The following CYB5RL variants were observed in gnomAD, a reference collection of about 807,000 sequenced individuals.
The protein encoded by CYB5RL is cytochrome b5 reductase like.
Under a neutral mutation model 37.5 loss-of-function variants are expected in CYB5RL, and 38 were observed. That is an observed-to-expected ratio of 1.01 (90% CI 0.78 to 1.33). CYB5RL has a LOEUF of 1.33. CYB5RL is among the 40% of genes most tolerant of loss of function. The probability of loss-of-function intolerance (pLI) is 0.00; values close to 1 mark genes in which losing one functional copy is unlikely to be tolerated. For missense variants in CYB5RL, 388 were observed against 394.4 expected (o/e 0.98, Z 0.14); for synonymous variants, 141 against 151.9 (o/e 0.93, Z 0.53).
chr1:54,177,068 C>A (rs1021174065), intron 7 of CYB5RL, among the ~76,000 whole-genome samples: 7 of 152,096 alleles, frequency 4.6e-5, no homozygotes, highest in African/African-American at 1.7e-4. Flanking sequence ...GGAGGGCGGG[C>A]TAGGAGATGA....
intron 4 of CYB5RL, among the ~76,000 whole-genome samples, chr1:54,188,371 A>G (rs1385533239): frequency 2.0e-5 from 3 of 152,182 alleles, no homozygotes; most frequent in Non-Finnish European, 2.9e-5. Flanking sequence ...CATGACTGTC[A>G]TTTTTCCTGA....
intron 3 of CYB5RL, among the ~76,000 whole-genome samples, chr1:54,193,192 A>G (rs1315149655): frequency 6.6e-6 from 1 of 152,240 alleles, no homozygotes; most frequent in Non-Finnish European, 1.5e-5. Flanking sequence ...AAACACATTC[A>G]TTCATCTGCA....
At chr1:54,178,997 C>T (rs1660088225) in intron 7 of CYB5RL, among the ~76,000 whole-genome samples, 152 bp downstream of exon 7, 1 of 152,230 alleles carries the variant, frequency 6.6e-6, no homozygotes, top group African/African-American at 2.4e-5. Flanking sequence ...AACATGAGAA[C>T]ACCTGCCTTC....
Position 54,184,167 on chromosome 1 carries a change from T to C in CYB5RL, c.534A>G (p.Pro178=), listed in dbSNP as rs922758900. 1 of 1,613,028 alleles carries C rather than the reference T, an allele frequency of 6.2e-7. No homozygotes were observed. Among genetic ancestry groups the C allele is most frequent in the Non-Finnish European group, 8.5e-7 (1 of 1,179,582 alleles). The change falls in exon 6 of 8, where the codon CCA becomes CCG. Residue 178 remains proline, a synonymous_variant. Coordinates refer to ENST00000534324, the MANE Select transcript of CYB5RL (RefSeq NM_001031672.4). ...RGPFGDFFYK[P]NQYGELLLLA... is the part of the protein sequence containing the mutation. ...TTAAGGTGCTGGCACTGACCTGGTT[T>C]GGTTTATAGAAGAAATCTCCGAAAG...
At chr1:54,188,960 G>A (rs1055327859) in intron 4 of CYB5RL, among the ~76,000 whole-genome samples, 42 of 152,164 alleles carry the variant, frequency 2.8e-4, no homozygotes, top group Non-Finnish European at 5.1e-4. Context: ...CAAAGTGGGC[G>A]GATCACGAGG....
intron 6 of CYB5RL, chr1:54,180,284 C>T (rs542713409): frequency 1.3e-5 from 5 of 387,316 alleles, no homozygotes; most frequent in Non-Finnish European, 2.5e-5. Context: ...GTCCCAGTTC[C>T]ATCAACTCCT....
intron 3 of CYB5RL, among the ~76,000 whole-genome samples, chr1:54,194,962 G>C (rs374998604): frequency 6.6e-6 from 1 of 152,218 alleles, no homozygotes; most frequent in Non-Finnish European, 1.5e-5. Context: ...AGGAGTTAAG[G>C]AGGAAGAAGT....
intron 6 of CYB5RL, among the ~76,000 whole-genome samples, chr1:54,181,525 G>A (rs1403023263): frequency 2.6e-5 from 4 of 152,232 alleles, no homozygotes; most frequent in African/African-American, 7.2e-5. Context: ...AACAGGGCCC[G>A]GAAGAGGGCA....
chr1:54,195,327 A>C, intron 3 of CYB5RL, 92 bp downstream of exon 3: 1 of 1,356,478 alleles, frequency 7.4e-7, no homozygotes, highest in Non-Finnish European at 9.7e-7. Context: ...TCTGCTGTAC[A>C]GTCAGGGAAG....
intron 6 of CYB5RL, among the ~76,000 whole-genome samples, chr1:54,183,301 C>T (rs556102618): frequency 1.6e-4 from 24 of 152,304 alleles, no homozygotes; most frequent in Admixed American, 7.8e-4. Flanking sequence ...AATGAACATA[C>T]GCAGAAGAGC....
chr1:54,194,222 TAG>T (rs1458099245), intron 3 of CYB5RL, among the ~76,000 whole-genome samples: 1 of 150,924 alleles, frequency 6.6e-6, no homozygotes, highest in Non-Finnish European at 1.5e-5. Flanking sequence ...AACATAAAAT[TAG>T]TCAGGTGTGG....
rs1643942972 is a variant in CYB5RL at position 54,190,762 on chromosome 1, C to A, written c.333G>T (p.Gln111His). Residue 111 changes from glutamine (Q) to histidine (H), a missense_variant, in exon 4 of 8, where the codon CAG becomes CAT. Transcript: ENST00000534324. ...GNSQLGLRPG[Q>H]HLILRGIVDD... ...CCTGAGTGTACCGTAGGATGAGGTGCTGGCCGGGCCGCAGGCCAAGCTGGC... is the reference window on the plus strand; with the variant it reads ...CCTGAGTGTACCGTAGGATGAGGTGATGGCCGGGCCGCAGGCCAAGCTGGC... 2.6e-6 allele frequency: 4 copies of A among 1,553,930 alleles called. No individual in the cohort carries two copies. Among genetic ancestry groups the A allele is most frequent in the Non-Finnish European group, 1.7e-6 (2 of 1,148,280 alleles).
At chr1:54,181,655 GC>G (rs1020513054) in intron 6 of CYB5RL, among the ~76,000 whole-genome samples, 1 of 152,108 alleles carries the variant, frequency 6.6e-6, no homozygotes, top group African/African-American at 2.4e-5. Flanking sequence ...AGCCTCCCTA[GC>G]TAAGAAATCC....
chr1:54,191,786 T>C (rs1157411813), intron 3 of CYB5RL, among the ~76,000 whole-genome samples: 2 of 152,138 alleles, frequency 1.3e-5, no homozygotes. Context: ...ACACCCACCA[T>C]CCAGGATGAC....
At chr1:54,187,109 A>G (rs1643908049) in intron 5 of CYB5RL, among the ~76,000 whole-genome samples, 2 of 151,982 alleles carry the variant, frequency 1.3e-5, no homozygotes, top group Admixed American at 1.3e-4. Flanking sequence ...GGCCTCCACA[A>G]CTTCTTATAT....
intron 5 of CYB5RL, 28 bp from the exon 6 acceptor site, chr1:54,184,293 C>T (rs371363819): frequency 3.8e-5 from 61 of 1,593,550 alleles, no homozygotes; most frequent in African/African-American, 3.2e-4. Context: ...GAGACGTCAG[C>T]GGGACAGGTA....
intron 7 of CYB5RL, among the ~76,000 whole-genome samples, chr1:54,177,416 T>C (rs116833865): frequency 5.1e-4 from 77 of 152,258 alleles, no homozygotes; most frequent in African/African-American, 1.8e-3. Context: ...AATCTTCTAT[T>C]GCTGGTGAAC....
chr1:54,198,645 T>TC (rs1402844545), intron 1 of CYB5RL, among the ~76,000 whole-genome samples: 1 of 149,640 alleles, frequency 6.7e-6, no homozygotes, highest in African/African-American at 2.5e-5. Context: ...TTTTTTTTTT[T>TC]TTTTGAGACA....
chr1:54,197,312 C>CTTTTTTTTTTTTTTTTTTTT (rs199620217), intron 1 of CYB5RL, among the ~76,000 whole-genome samples: 1 of 130,380 alleles, frequency 7.7e-6, no homozygotes, highest in Admixed American at 8.0e-5. Flanking sequence ...TTTTTCTTTT[C>CTTTTTTTTTTTTTTTTTTTT]TTTTCTTTTT....
Sources: allele counts gnomAD v4.1 joint callset (sites outside exome capture counted in the v4.1 genomes callset), GRCh38; gene constraint gnomAD v4.1.1; transcripts MANE v1.5; gene names NCBI Gene and HGNC (gene_info 2026-07-23, HGNC 2026-07-21).